Variants in SUGCT observed in about 807,000 individuals in gnomAD.
The protein encoded by SUGCT is succinyl-CoA:glutarate CoA-transferase.
Under a neutral mutation model 55.0 loss-of-function variants are expected in SUGCT, and 41 were observed. The ratio of observed to expected loss-of-function variants is 0.74; its 90% confidence interval spans 0.58 to 0.97. The LOEUF (loss-of-function observed/expected upper bound fraction) is 0.97, where lower values mean the gene tolerates loss of function less well. SUGCT is among the 50% of genes least tolerant of loss of function. The pLI is 0.00. For synonymous variants in SUGCT, 187 were observed against 200.4 expected, an observed-to-expected ratio of 0.93 and a Z score of 0.56; for missense variants, 568 against 547.8, an observed-to-expected ratio of 1.04 and a Z score of -0.37.
chr7:40,972,302 A>G, the SUGCT span, among the ~76,000 whole-genome samples: 1 of 152,230 alleles, frequency 6.6e-6, no homozygotes, highest in Non-Finnish European at 1.5e-5. Flanking sequence ...CGAAACAATC[A>G]TCATAGCTGT....
intron 11 of SUGCT, among the ~76,000 whole-genome samples, chr7:40,469,234 G>A (rs964851260): frequency 1.3e-5 from 2 of 151,826 alleles, no homozygotes; most frequent in East Asian, 1.9e-4. Context: ...AGCTTTATAT[G>A]TATCCTCAAC....
At chr7:41,010,257 C>T in the SUGCT span, among the ~76,000 whole-genome samples, 4 of 152,202 alleles carry the variant, frequency 2.6e-5, no homozygotes, top group South Asian at 2.1e-4. Context: ...GATACCAACA[C>T]GTAGGAACCA....
At chr7:40,751,225 G>T (rs1787995208) in intron 13 of SUGCT, among the ~76,000 whole-genome samples, 1 of 152,152 alleles carries the variant, frequency 6.6e-6, no homozygotes, top group South Asian at 2.1e-4. Flanking sequence ...CCGAGGTGAT[G>T]AAGTGTGGGG....
At chr7:40,985,479 G>A in the SUGCT span, among the ~76,000 whole-genome samples, 2 of 152,124 alleles carry the variant, frequency 1.3e-5, no homozygotes, top group African/African-American at 4.8e-5. Context: ...TAGGTGTTGG[G>A]GAGTAAATGT....
At chr7:40,337,384 A>T (rs1012535778) in intron 9 of SUGCT, among the ~76,000 whole-genome samples, 1 of 152,142 alleles carries the variant, frequency 6.6e-6, no homozygotes, top group Non-Finnish European at 1.5e-5. Context: ...TGGGAGTCTA[A>T]GTCTCTTTTT....
intron 11 of SUGCT, among the ~76,000 whole-genome samples, chr7:40,461,599 C>T (rs1789805276): frequency 6.6e-6 from 1 of 152,188 alleles, no homozygotes; most frequent in Non-Finnish European, 1.5e-5. Flanking sequence ...TTGTCCGTTG[C>T]CATTGCCAAA....
intron 12 of SUGCT, among the ~76,000 whole-genome samples, chr7:40,565,993 G>A (rs10248643): frequency 0.1 from 12,537 of 124,910 alleles, 1,446 homozygotes; most frequent in Middle Eastern, 0.12. Flanking sequence ...ACACACACAC[G>A]CACACACACA....
chr7:40,901,137 T>C, the SUGCT span, among the ~76,000 whole-genome samples: 25 of 152,322 alleles, frequency 1.6e-4, no homozygotes, highest in South Asian at 1.0e-3. Flanking sequence ...AGAGAAGATA[T>C]TTCAGTTGAC....
At chr7:40,452,268 G>A (rs920634432) in intron 10 of SUGCT, among the ~76,000 whole-genome samples, 2 of 152,184 alleles carry the variant, frequency 1.3e-5, no homozygotes, top group African/African-American at 4.8e-5. Flanking sequence ...ATGAAAGTGA[G>A]CATATGTAAG....
intron 12 of SUGCT, among the ~76,000 whole-genome samples, chr7:40,689,730 TG>T (rs1364521376): frequency 7.3e-6 from 1 of 136,074 alleles, no homozygotes; most frequent in Non-Finnish European, 1.5e-5. Flanking sequence ...CCAAACTGGC[TG>T]GACAGTTTCA....
chr7:40,157,777 T>G (rs1731447454), intron 1 of SUGCT, among the ~76,000 whole-genome samples: 1 of 152,222 alleles, frequency 6.6e-6, no homozygotes, highest in Non-Finnish European at 1.5e-5. Flanking sequence ...GCTCACTCGT[T>G]GATAGGGTTA....
chr7:40,770,346 G>GT (rs1477272734), intron 13 of SUGCT, among the ~76,000 whole-genome samples: 5 of 152,118 alleles, frequency 3.3e-5, no homozygotes, highest in African/African-American at 1.2e-4. Flanking sequence ...GCGCTGGTAT[G>GT]ACATCTCTGC....
At chr7:40,834,959 T>A (rs1425409927) in intron 13 of SUGCT, among the ~76,000 whole-genome samples, 1 of 152,144 alleles carries the variant, frequency 6.6e-6, no homozygotes, top group African/African-American at 2.4e-5. Flanking sequence ...GGTGTCCTTT[T>A]TAAATTAAAA....
intron 9 of SUGCT, among the ~76,000 whole-genome samples, chr7:40,334,942 A>C (rs1796592529): frequency 6.6e-6 from 1 of 152,190 alleles, no homozygotes; most frequent in African/African-American, 2.4e-5. Context: ...AGGCGTAAGG[A>C]AGGGATCCAG....
chr7:40,824,593 T>G (rs1165682751), intron 13 of SUGCT, among the ~76,000 whole-genome samples: 2 of 152,250 alleles, frequency 1.3e-5, no homozygotes, highest in African/African-American at 4.8e-5. Context: ...AGTAATGATT[T>G]CTTGCTTCTT....
intron 13 of SUGCT, among the ~76,000 whole-genome samples, chr7:40,813,410 T>C (rs1791518626): frequency 6.6e-6 from 1 of 152,210 alleles, no homozygotes; most frequent in Non-Finnish European, 1.5e-5. Flanking sequence ...GATGTATATA[T>C]ATTTAGGATA....
At chr7:40,873,234 A>T in the SUGCT span, among the ~76,000 whole-genome samples, 1 of 152,234 alleles carries the variant, frequency 6.6e-6, no homozygotes, top group Non-Finnish European at 1.5e-5. Context: ...TGAGCTTCCC[A>T]TTGGAAAAAA....
At chr7:40,376,116 A>G (rs1476377893) in intron 9 of SUGCT, among the ~76,000 whole-genome samples, 1 of 152,212 alleles carries the variant, frequency 6.6e-6, no homozygotes, top group Non-Finnish European at 1.5e-5. Context: ...TCTTTTAAAA[A>G]GTTATAGGAT....
chr7:40,749,940 T>C (rs140524980), intron 13 of SUGCT, among the ~76,000 whole-genome samples: 196 of 152,288 alleles, frequency 1.3e-3, no homozygotes, highest in Admixed American at 2.6e-3. Context: ...AGAACCGTGG[T>C]TTAAGGTGTG....
Sources: allele counts gnomAD v4.1 joint callset (sites outside exome capture counted in the v4.1 genomes callset), GRCh38; gene constraint gnomAD v4.1.1; transcripts MANE v1.5; gene names NCBI Gene and HGNC (gene_info 2026-07-23, HGNC 2026-07-21).